DTWD2: variants seen among roughly 807,000 people sequenced by gnomAD.
The protein encoded by DTWD2 is tRNA-uridine aminocarboxypropyltransferase 2.
In DTWD2, 39 loss-of-function variants were observed where a neutral mutation model predicts 31.8. The observed-to-expected ratio is 1.22, with a 90% confidence interval of 0.95 to 1.60. DTWD2 has a LOEUF of 1.60. DTWD2 is among the 40% of genes most tolerant of loss of function. The probability of loss-of-function intolerance (pLI) is 0.00; values close to 1 mark genes in which losing one functional copy is unlikely to be tolerated. For synonymous variants in DTWD2, 180 were observed against 142.8 expected (o/e 1.26, Z -1.86); for missense variants, 515 against 381.5 (o/e 1.35, Z -2.92).
chr5:118,964,694 G>C (rs548017807), intron 1 of DTWD2, among the ~76,000 whole-genome samples: 1 of 152,190 alleles, frequency 6.6e-6, no homozygotes, highest in African/African-American at 2.4e-5. Flanking sequence ...TGCCAGCCTC[G>C]GCCTCCCGAG....
chr5:118,957,960 T>C (rs1580436972), intron 1 of DTWD2, among the ~76,000 whole-genome samples: 1 of 152,230 alleles, frequency 6.6e-6, no homozygotes, highest in African/African-American at 2.4e-5. Flanking sequence ...GTGCATCATA[T>C]ACTAATATAC....
chr5:118,965,437 C>G (rs421376), intron 1 of DTWD2, among the ~76,000 whole-genome samples: 74,253 of 150,864 alleles, frequency 0.49, 19,544 homozygotes, highest in East Asian at 0.94. Flanking sequence ...TCCAACAGCT[C>G]ACTGAGAACG....
chr5:118,951,582 G>A lies in DTWD2; in HGVS notation c.219-6933C>T, dbSNP rs368128130. Among the ~76,000 whole-genome samples the A allele has an allele frequency of 1.8e-4, 27 of 152,352 alleles. No homozygotes were observed. In the East Asian group the frequency reaches 4.8e-3, roughly 27 times the overall value. On this transcript the variant is annotated intron_variant, in intron 1 of 5. Transcript: ENST00000510708. ...TCTGGCTATTTGGAAACACTGTCAA[G>A]TTTGTATTGGGGTCAAGCGGTGTTG... is the stretch of plus-strand genomic sequence containing the variant.
chr5:118,951,640 A>T (rs1398776780), intron 1 of DTWD2, among the ~76,000 whole-genome samples: 1 of 152,200 alleles, frequency 6.6e-6, no homozygotes, highest in African/African-American at 2.4e-5. Flanking sequence ...GTTTTAGGTC[A>T]GGTGTGAGTT....
intron 4 of DTWD2, among the ~76,000 whole-genome samples, chr5:118,925,776 C>T (rs1451225710): frequency 3.3e-5 from 5 of 151,394 alleles, no homozygotes; most frequent in Admixed American, 2.0e-4. Context: ...ACCCGGGAGG[C>T]GGAGCTGGCA....
intron 4 of DTWD2, among the ~76,000 whole-genome samples, chr5:118,914,521 C>T (rs533272101): frequency 6.6e-5 from 10 of 152,218 alleles, no homozygotes; most frequent in Non-Finnish European, 1.0e-4. Flanking sequence ...ACAGGTACAA[C>T]GCAAAATCCT....
intron 4 of DTWD2, among the ~76,000 whole-genome samples, chr5:118,908,847 G>C (rs974381899): frequency 6.6e-6 from 1 of 152,186 alleles, no homozygotes; most frequent in African/African-American, 2.4e-5. Context: ...AGAAGGCAAA[G>C]TAGGAGATAC....
chr5:118,920,476 G>T (rs1232189180), intron 4 of DTWD2, among the ~76,000 whole-genome samples: 1 of 152,082 alleles, frequency 6.6e-6, no homozygotes, highest in Admixed American at 6.6e-5. Context: ...ACCTGGAACG[G>T]GGGCAGAGAT....
chr5:118,953,321 T>G (rs894827864), intron 1 of DTWD2, among the ~76,000 whole-genome samples: 1 of 152,212 alleles, frequency 6.6e-6, no homozygotes, highest in African/African-American at 2.4e-5. Context: ...CCTGCCCACT[T>G]ACCCATTCCT....
chr5:118,896,553 A>G (rs951109453), intron 4 of DTWD2, among the ~76,000 whole-genome samples: 1 of 152,244 alleles, frequency 6.6e-6, no homozygotes, highest in African/African-American at 2.4e-5. Flanking sequence ...TATAGATAAC[A>G]TAAGCACAGA....
At chr5:118,842,956 T>C (rs1196553562) in intron 5 of DTWD2, among the ~76,000 whole-genome samples, 1 of 133,504 alleles carries the variant, frequency 7.5e-6, no homozygotes, top group Non-Finnish European at 1.6e-5. Context: ...TCTTCCTCTT[T>C]TTTTTTTTTT....
intron 4 of DTWD2, among the ~76,000 whole-genome samples, chr5:118,875,883 G>T (rs1242091252): frequency 6.6e-6 from 1 of 151,886 alleles, no homozygotes; most frequent in Non-Finnish European, 1.5e-5. Flanking sequence ...CACTCTCTGT[G>T]AAAAACAACA....
intron 4 of DTWD2, among the ~76,000 whole-genome samples, chr5:118,869,942 T>C (rs1752465734): frequency 1.3e-5 from 2 of 152,142 alleles, no homozygotes; most frequent in Non-Finnish European, 2.9e-5. Context: ...TGATGATGTG[T>C]GATCCTTGCT....
At chr5:118,936,467 T>C (rs1754047542) in intron 3 of DTWD2, among the ~76,000 whole-genome samples, 1 of 150,994 alleles carries the variant, frequency 6.6e-6, no homozygotes, top group Admixed American at 6.6e-5. Context: ...CAAGACCCTG[T>C]CTAAAAAAAA....
At chr5:118,973,492 T>G (rs2149599662) in intron 1 of DTWD2, among the ~76,000 whole-genome samples, 1 of 152,302 alleles carries the variant, frequency 6.6e-6, no homozygotes, top group Non-Finnish European at 1.5e-5. Context: ...TGTAAAGGAT[T>G]TTATTGCTCC....
At chr5:118,874,227 A>G (rs1467774006) in intron 4 of DTWD2, among the ~76,000 whole-genome samples, 3 of 152,228 alleles carry the variant, frequency 2.0e-5, no homozygotes, top group African/African-American at 4.8e-5. Context: ...CAAAGACTGA[A>G]TATAGATAAG....
intron 1 of DTWD2, among the ~76,000 whole-genome samples, chr5:118,986,624 GA>G (rs1755433634): frequency 6.6e-6 from 1 of 152,120 alleles, no homozygotes; most frequent in Non-Finnish European, 1.5e-5. Flanking sequence ...GGTACTAGTA[GA>G]ACTCTAATAG....
intron 5 of DTWD2, among the ~76,000 whole-genome samples, chr5:118,846,459 G>A (rs1031784349): frequency 6.6e-6 from 1 of 152,106 alleles, no homozygotes; most frequent in Non-Finnish European, 1.5e-5. Flanking sequence ...CCCAAAAGGG[G>A]AGAAAAGTAA....
intron 3 of DTWD2, among the ~76,000 whole-genome samples, chr5:118,933,315 T>C (rs1184556562): frequency 6.6e-6 from 1 of 152,202 alleles, no homozygotes; most frequent in Non-Finnish European, 1.5e-5. Context: ...ATTCATTCTA[T>C]AAGGCCAGCA....
Sources: gnomAD v4.1 joint callset for allele counts (sites outside exome capture counted in the v4.1 genomes callset) on GRCh38, gnomAD v4.1.1 for gene constraint, MANE v1.5 for transcripts, NCBI Gene and HGNC (gene_info 2026-07-23, HGNC 2026-07-21) for gene names.